The following NEDD4L variants were observed in gnomAD, a reference collection of about 807,000 sequenced individuals.
The protein encoded by NEDD4L is NEDD4 like E3 ubiquitin protein ligase, also known as E3 ubiquitin-protein ligase NEDD4-like.
A neutral mutation model predicts 148.9 loss-of-function variants in NEDD4L; 54 were observed. The observed-to-expected ratio is 0.36, with a 90% confidence interval of 0.29 to 0.45. The LOEUF (loss-of-function observed/expected upper bound fraction) is 0.45. Among genes scored for constraint, NEDD4L ranks in the 20% least tolerant of loss-of-function variants. The probability of loss-of-function intolerance (pLI) is 1.00; values close to 1 mark genes in which losing one functional copy is unlikely to be tolerated. For synonymous variants in NEDD4L, 433 were observed against 440.7 expected (o/e 0.98, Z 0.22); for missense variants, 856 against 1,233.8 (o/e 0.69, Z 4.59).
intron 5 of NEDD4L, 103 bp downstream of exon 5, chr18:58,252,157 A>T: frequency 1.3e-6 from 1 of 752,530 alleles, no homozygotes. Context: ...TTAGGACAGT[A>T]TATGTGCCCA....
At chr18:58,072,903 CACAA>C (rs2082955016) in intron 1 of NEDD4L, among the ~76,000 whole-genome samples, 1 of 148,144 alleles carries the variant, frequency 6.8e-6, no homozygotes. Flanking sequence ...CACACACACA[CACAA>C]ATCTTGAACT....
Position 58,106,036 on chromosome 18 carries a change from G to T in NEDD4L, c.49-59752G>T, listed in dbSNP as rs1472334466. On this transcript the variant is annotated intron_variant, in intron 1 of 30. Coordinates refer to ENST00000400345, the MANE Select transcript of NEDD4L (RefSeq NM_001144967.3). ...CTAGCAGCTCCGGAATGGCCATTTG[G>T]CCCTGTAGAAAGATCATTCTTGGGC... is the stretch of plus-strand genomic sequence containing the variant. 4.6e-5 allele frequency among the ~76,000 whole-genome samples: 7 copies of T among 152,266 alleles called. No individual in the cohort carries two copies. In the East Asian group the frequency reaches 1.2e-3, roughly 25 times the overall value.
chr18:58,291,218 C>T (rs8099132), intron 5 of NEDD4L, among the ~76,000 whole-genome samples: 24,190 of 151,906 alleles, frequency 0.16, 2,082 homozygotes, highest in East Asian at 0.28. Context: ...CCAGGCCGAC[C>T]GACCCACATG....
intron 9 of NEDD4L, among the ~76,000 whole-genome samples, chr18:58,327,055 G>A (rs1026261550): frequency 6.6e-6 from 1 of 152,118 alleles, no homozygotes; most frequent in Non-Finnish European, 1.5e-5. Context: ...AAAACAAAAG[G>A]TATAACTTGC....
At chr18:58,347,203 C>CT (rs2043183453) in intron 16 of NEDD4L, among the ~76,000 whole-genome samples, 1 of 29,610 alleles carries the variant, frequency 3.4e-5, no homozygotes. Flanking sequence ...TTTCACGCTA[C>CT]GGCCCCCCCC....
At chr18:58,179,895 T>C (rs1027866648) in intron 2 of NEDD4L, among the ~76,000 whole-genome samples, 2 of 152,052 alleles carry the variant, frequency 1.3e-5, no homozygotes, top group Non-Finnish European at 2.9e-5. Flanking sequence ...TTGAATCATC[T>C]CCAAACCATC....
intron 5 of NEDD4L, among the ~76,000 whole-genome samples, chr18:58,267,443 A>G (rs1052858456): frequency 3.3e-5 from 5 of 152,196 alleles, no homozygotes; most frequent in African/African-American, 7.2e-5. Flanking sequence ...CACACTGGCT[A>G]CTGTACTGGA....
At chr18:58,047,075 T>C (rs571621324) in intron 1 of NEDD4L, 16 of 165,550 alleles carry the variant, frequency 9.7e-5, no homozygotes, top group Admixed American at 2.0e-4. Flanking sequence ...TGAATTAGTA[T>C]GTGTAAGAAA....
intron 1 of NEDD4L, among the ~76,000 whole-genome samples, chr18:58,069,581 C>T (rs2082767967): frequency 6.6e-6 from 1 of 152,168 alleles, no homozygotes; most frequent in Admixed American, 6.5e-5. Flanking sequence ...GCAGCAGTCT[C>T]TCAGCACACG....
intron 5 of NEDD4L, among the ~76,000 whole-genome samples, chr18:58,281,833 G>A (rs968651028): frequency 6.6e-6 from 1 of 151,908 alleles, no homozygotes; most frequent in Non-Finnish European, 1.5e-5. Context: ...AGACCGTCCT[G>A]GCTAACATTG....
chr18:58,280,491 C>T (rs7233436), intron 5 of NEDD4L, among the ~76,000 whole-genome samples: 34,744 of 151,926 alleles, frequency 0.23, 4,493 homozygotes, highest in African/African-American at 0.34. Flanking sequence ...AGGCTGGGTG[C>T]GAAGACCAGA....
intron 1 of NEDD4L, among the ~76,000 whole-genome samples, chr18:58,059,792 A>G (rs1281213834): frequency 6.6e-6 from 1 of 152,198 alleles, no homozygotes; most frequent in East Asian, 1.9e-4. Flanking sequence ...CAAACTTGGT[A>G]AGTATGTGGG....
chr18:58,237,319 G>A (rs1378696258), intron 2 of NEDD4L, among the ~76,000 whole-genome samples: 1 of 152,102 alleles, frequency 6.6e-6, no homozygotes, highest in Non-Finnish European at 1.5e-5. Flanking sequence ...TTCCAAAAAG[G>A]GAACAGTTTT....
intron 1 of NEDD4L, among the ~76,000 whole-genome samples, chr18:58,121,053 A>G (rs1240107224): frequency 1.3e-5 from 2 of 152,206 alleles, no homozygotes; most frequent in Admixed American, 6.5e-5. Flanking sequence ...AATTTAGCCA[A>G]AGGAAGACAT....
chr18:58,330,692 C>T (rs761813584), intron 10 of NEDD4L, 46 bp from the exon 11 acceptor site: 2 of 1,403,528 alleles, frequency 1.4e-6, no homozygotes, highest in Admixed American at 5.4e-5. Flanking sequence ...CTGGGTGGAT[C>T]CCTACTTCTT....
At chr18:58,351,601 G>T (rs1357129633) in intron 18 of NEDD4L, among the ~76,000 whole-genome samples, 2 of 152,014 alleles carry the variant, frequency 1.3e-5, no homozygotes, top group East Asian at 1.9e-4. Context: ...AAAATGTGTG[G>T]TTTCTCATTC....
chr18:58,235,831 C>G (rs1221375128), intron 2 of NEDD4L, among the ~76,000 whole-genome samples: 1 of 151,956 alleles, frequency 6.6e-6, no homozygotes, highest in Non-Finnish European at 1.5e-5. Context: ...TAGAAGGAGC[C>G]AGTTTATTAT....
At chr18:58,084,141 C>A (rs1443823155) in intron 1 of NEDD4L, among the ~76,000 whole-genome samples, 1 of 152,032 alleles carries the variant, frequency 6.6e-6, no homozygotes, top group Non-Finnish European at 1.5e-5. Flanking sequence ...CACAAAAGAC[C>A]ACATATTGTG....
chr18:58,350,935 C>A, intron 17 of NEDD4L, 56 bp from the exon 18 acceptor site: 1 of 1,396,230 alleles, frequency 7.2e-7, no homozygotes. Context: ...CCTTTGATTT[C>A]AGAACTCCTA....
Sources: allele counts gnomAD v4.1 joint callset (sites outside exome capture counted in the v4.1 genomes callset), GRCh38; gene constraint gnomAD v4.1.1; transcripts MANE v1.5; gene names NCBI Gene and HGNC (gene_info 2026-07-23, HGNC 2026-07-21).